GRM7: variants seen among roughly 807,000 people sequenced by gnomAD.
GRM7 encodes glutamate metabotropic receptor 7, also known as metabotropic glutamate receptor 7.
GRM7 carries 35 observed loss-of-function variants against 84.5 expected under a neutral mutation model. That is an observed-to-expected ratio of 0.41 (90% confidence interval 0.32 to 0.55). The LOEUF is 0.55. Ranked by LOEUF, GRM7 falls within the 20% of genes least tolerant of loss-of-function variation. GRM7 has a pLI of 0.19. For synonymous variants in GRM7, 487 were observed against 455.1 expected, an observed-to-expected ratio of 1.07 and a Z score of -0.89; for missense variants, 1,003 against 1,194.6, an observed-to-expected ratio of 0.84 and a Z score of 2.36.
intron 1 of GRM7, among the ~76,000 whole-genome samples, chr3:6,922,086 G>C (rs1420102715): frequency 2.0e-5 from 3 of 152,170 alleles, no homozygotes; most frequent in African/African-American, 4.8e-5. Flanking sequence ...AGCATGTTCC[G>C]AGCACGCCTC....
intron 7 of GRM7, among the ~76,000 whole-genome samples, chr3:7,508,864 G>A (rs765685021): frequency 1.3e-5 from 2 of 152,072 alleles, no homozygotes; most frequent in Non-Finnish European, 2.9e-5. Context: ...GATGAAATAG[G>A]CATTCCTAAG....
At chr3:7,588,236 C>G (rs902306049) in intron 8 of GRM7, among the ~76,000 whole-genome samples, 3 of 152,190 alleles carry the variant, frequency 2.0e-5, no homozygotes. Flanking sequence ...GGCTGTTGAA[C>G]TGCAAGCAGT....
chr3:7,096,832 G>C (rs1698876645), intron 1 of GRM7, among the ~76,000 whole-genome samples: 1 of 152,056 alleles, frequency 6.6e-6, no homozygotes. Context: ...GGTTTTTGAA[G>C]CTCTATGGTA....
chr3:7,633,978 T>A (rs3804861), intron 8 of GRM7, among the ~76,000 whole-genome samples: 1 of 152,080 alleles, frequency 6.6e-6, no homozygotes, highest in Non-Finnish European at 1.5e-5. Context: ...TGTTATGCTT[T>A]CCTTTTGTTC....
intron 2 of GRM7, among the ~76,000 whole-genome samples, chr3:7,206,144 C>T (rs1055450687): frequency 1.1e-4 from 17 of 152,144 alleles, no homozygotes; most frequent in Admixed American, 7.2e-4. Context: ...CTTTCATTTT[C>T]TCTTTCTCTT....
At chr3:7,356,297 A>ATTT (rs1011380269) in intron 4 of GRM7, among the ~76,000 whole-genome samples, 1 of 148,928 alleles carries the variant, frequency 6.7e-6, no homozygotes, top group African/African-American at 2.5e-5. Context: ...GCAGAGGAGG[A>ATTT]TTTTTTTTTT....
At chr3:7,179,472 A>G (rs1201130028) in intron 2 of GRM7, among the ~76,000 whole-genome samples, 3 of 152,216 alleles carry the variant, frequency 2.0e-5, no homozygotes, top group Non-Finnish European at 4.4e-5. Flanking sequence ...CATTTAGATT[A>G]TAGACATCAA....
At chr3:7,033,004 G>A (rs531642652) in intron 1 of GRM7, among the ~76,000 whole-genome samples, 1 of 152,282 alleles carries the variant, frequency 6.6e-6, no homozygotes, top group African/African-American at 2.4e-5. Context: ...CTTGAGGCTG[G>A]AAGTCTGAAA....
intron 1 of GRM7, among the ~76,000 whole-genome samples, chr3:6,907,641 G>A (rs1300016564): frequency 6.6e-6 from 1 of 152,096 alleles, no homozygotes; most frequent in Non-Finnish European, 1.5e-5. Context: ...ATGATAAAGA[G>A]TGGAGGTAGA....
intron 9 of GRM7, chr3:7,691,047 T>G (rs778968166): frequency 4.8e-4 from 201 of 418,432 alleles, no homozygotes; most frequent in Non-Finnish European, 8.8e-4. Context: ...AGATTTTTTT[T>G]TTTGGCTGTA....
chr3:7,041,964 A>G (rs1458039995), intron 1 of GRM7, among the ~76,000 whole-genome samples: 1 of 152,176 alleles, frequency 6.6e-6, no homozygotes, highest in African/African-American at 2.4e-5. Context: ...ACACGAAAGG[A>G]CTGCATTCAG....
At chr3:7,257,834 C>T (rs1698264922) in intron 2 of GRM7, among the ~76,000 whole-genome samples, 1 of 152,152 alleles carries the variant, frequency 6.6e-6, no homozygotes, top group East Asian at 1.9e-4. Flanking sequence ...GATATTCCTA[C>T]ACTGAGTAAT....
intron 1 of GRM7, among the ~76,000 whole-genome samples, chr3:6,882,228 A>T (rs1422427612): frequency 6.6e-6 from 1 of 152,190 alleles, no homozygotes; most frequent in Admixed American, 6.5e-5. Flanking sequence ...TAATGCAGAA[A>T]AAAAGGCTGA....
chr3:7,733,378 C>T (rs920046708), intron 9 of GRM7, among the ~76,000 whole-genome samples: 1 of 152,182 alleles, frequency 6.6e-6, no homozygotes, highest in African/African-American at 2.4e-5. Flanking sequence ...ACCAGGGTCA[C>T]CACACAGGAG....
At chr3:7,682,336 C>CAAAAAAAAAAAAAAAAAAAA (rs905940773) in intron 9 of GRM7, 10 of 51,056 alleles carry the variant, frequency 2.0e-4, no homozygotes, top group South Asian at 7.7e-4. Flanking sequence ...AACTCCATCT[C>CAAAAAAAAAAAAAAAAAAAA]AAAAAAAAAA....
At chr3:7,415,979 G>T (rs1317102984) in intron 5 of GRM7, among the ~76,000 whole-genome samples, 1 of 152,166 alleles carries the variant, frequency 6.6e-6, no homozygotes, top group Non-Finnish European at 1.5e-5. Context: ...CCTTTTGGGA[G>T]AATGATGCTT....
At chr3:7,342,630 T>A (rs1392627342) in intron 4 of GRM7, among the ~76,000 whole-genome samples, 1 of 152,110 alleles carries the variant, frequency 6.6e-6, no homozygotes, top group Non-Finnish European at 1.5e-5. Context: ...GAATGTTAAG[T>A]TAAAGCAGGT....
intron 4 of GRM7, among the ~76,000 whole-genome samples, chr3:7,373,057 T>C (rs566718268): frequency 4.6e-5 from 7 of 152,278 alleles, no homozygotes; most frequent in South Asian, 2.1e-4. Context: ...GATCCACTTA[T>C]TGAAAAATTT....
At chr3:7,565,387 C>T (rs1270337025) in intron 7 of GRM7, among the ~76,000 whole-genome samples, 7 of 152,130 alleles carry the variant, frequency 4.6e-5, no homozygotes, top group Non-Finnish European at 7.3e-5. Context: ...AGACTTTAAT[C>T]GAGTCTCATT....
Sources: gnomAD v4.1 joint callset for allele counts (sites outside exome capture counted in the v4.1 genomes callset) on GRCh38, gnomAD v4.1.1 for gene constraint, MANE v1.5 for transcripts, NCBI Gene and HGNC (gene_info 2026-07-23, HGNC 2026-07-21) for gene names.